The following MMP26 variants were observed in gnomAD, a reference collection of about 807,000 sequenced individuals.
MMP26 encodes matrix metalloproteinase-26.
Under a neutral mutation model 31.0 loss-of-function variants are expected in MMP26, and 33 were observed. The ratio of observed to expected loss-of-function variants is 1.06; its 90% CI spans 0.81 to 1.42. The LOEUF (loss-of-function observed/expected upper bound fraction) is 1.42, where lower values mean the gene tolerates loss of function less well. Among genes scored for constraint, MMP26 ranks in the 40% most tolerant of loss-of-function variants. The pLI is 0.00. For synonymous variants in MMP26, 122 were observed against 114.9 expected, an observed-to-expected ratio of 1.06 and a Z score of -0.40; for missense variants, 347 against 316.1, an observed-to-expected ratio of 1.10 and a Z score of -0.74.
At chr11:4,923,867 A>G (rs1589940597) in intron 2 of MMP26, 1 of 1,613,956 alleles carries the variant, frequency 6.2e-7, no homozygotes, top group Non-Finnish European at 8.5e-7. Flanking sequence ...CAAGGGGAGG[A>G]TGAGGAGAGC....
At chr11:4,803,862 T>C in intron 2 of MMP26, 2 of 1,612,148 alleles carry the variant, frequency 1.2e-6, no homozygotes, top group Non-Finnish European at 1.7e-6. Context: ...TGGCTTGGTG[T>C]TGGCAGAAGG....
chr11:4,923,395 A>G (rs772450139), intron 2 of MMP26: 1 of 1,562,424 alleles, frequency 6.4e-7, no homozygotes, highest in Non-Finnish European at 8.7e-7. Context: ...AAAAACACCT[A>G]AGTGACTTTA....
chr11:4,921,676 C>T (rs1352742900), intron 2 of MMP26, among the ~76,000 whole-genome samples: 5 of 152,180 alleles, frequency 3.3e-5, no homozygotes, highest in African/African-American at 9.7e-5. Context: ...ATTTAAAATA[C>T]TCGAGCCATT....
chr11:4,755,319 C>T (rs532171796), intron 1 of MMP26, among the ~76,000 whole-genome samples: 7 of 151,992 alleles, frequency 4.6e-5, no homozygotes, highest in East Asian at 1.9e-4. Context: ...TTAACTTCTC[C>T]GAACTGAGGA....
At chr11:4,891,024 T>TAAA (rs1554889162) in intron 2 of MMP26, among the ~76,000 whole-genome samples, 4 of 144,716 alleles carry the variant, frequency 2.8e-5, no homozygotes, top group South Asian at 2.2e-4. Flanking sequence ...ATAATAATAA[T>TAAA]AAAAGTAAAA....
At position 4,956,307 on chromosome 11, in the gene MMP26, T is replaced by G. The variant is rs116454006; in HGVS notation, c.-144-31761T>G. On this transcript the variant is annotated intron_variant, in intron 2 of 7. Transcript: ENST00000380390. Reference sequence around the variant, plus strand: ...TATTCACTTTTACCTAACCAGTGGCTCTCGGGTCACAGAGTTCTCTGGGGA... The same window carrying G: ...TATTCACTTTTACCTAACCAGTGGCGCTCGGGTCACAGAGTTCTCTGGGGA... Among the ~76,000 whole-genome samples, 976 of 152,324 alleles carry G rather than the reference T, an allele frequency of 6.4e-3. 12 individuals carry two copies. Among genetic ancestry groups the G allele is most frequent in the African/African-American group, 0.022 (932 of 41,576 alleles).
chr11:4,807,999 T>A (rs1849300971), intron 2 of MMP26, among the ~76,000 whole-genome samples: 1 of 152,044 alleles, frequency 6.6e-6, no homozygotes, highest in Non-Finnish European at 1.5e-5. Context: ...AGAGACAGGG[T>A]CTCACTATGT....
At position 4,900,257 on chromosome 11, in the gene MMP26, G is replaced by A. The variant is rs528074548; in HGVS notation, c.-144-87811G>A. 3.9e-5 allele frequency among the ~76,000 whole-genome samples: 6 copies of A among 152,246 alleles called. No individual in the cohort carries two copies. In the East Asian group the frequency reaches 1.2e-3, roughly 29 times the overall value. On this transcript the variant is annotated intron_variant, in intron 2 of 7. Transcript: ENST00000380390. ...TGCTGGTGGATCAAACCCTTTGTAA[G>A]CCCTGAGATACTAGGTTTGGCTATG...
At chr11:4,973,596 CA>C (rs1846695956) in intron 2 of MMP26, 1 of 155,128 alleles carries the variant, frequency 6.4e-6, no homozygotes, top group African/African-American at 2.4e-5. Flanking sequence ...ATACAGGCAT[CA>C]GGGGAAATTC....
intron 2 of MMP26, among the ~76,000 whole-genome samples, chr11:4,890,948 G>GGACC (rs1404560517): frequency 6.8e-6 from 1 of 147,588 alleles, no homozygotes; most frequent in Non-Finnish European, 1.5e-5. Context: ...ATGGACTATA[G>GGACC]GACCCCCTTC....
At chr11:4,714,725 A>G (rs1847903191) in intron 1 of MMP26, among the ~76,000 whole-genome samples, 1 of 152,136 alleles carries the variant, frequency 6.6e-6, no homozygotes, top group Admixed American at 6.5e-5. Flanking sequence ...CTCTGTAATC[A>G]GAGAAGAGAG....
chr11:4,724,643 A>G (rs887706130), intron 1 of MMP26, among the ~76,000 whole-genome samples: 12 of 152,246 alleles, frequency 7.9e-5, no homozygotes, highest in Non-Finnish European at 1.5e-4. Context: ...TATGGTTCCT[A>G]CACAAAAATC....
intron 2 of MMP26, chr11:4,832,933 A>G: frequency 5.6e-6 from 1 of 177,254 alleles, no homozygotes; most frequent in East Asian, 1.3e-4. Context: ...TTTGCTAAGC[A>G]TAAATCCCCT....
chr11:4,900,792 T>A (rs1282501831), intron 2 of MMP26, among the ~76,000 whole-genome samples: 19 of 152,182 alleles, frequency 1.2e-4, no homozygotes, highest in Non-Finnish European at 2.9e-5. Flanking sequence ...TCCAACAGCC[T>A]GGTCAATTAG....
At chr11:4,712,960 A>G (rs887050421) in intron 1 of MMP26, among the ~76,000 whole-genome samples, 6 of 152,106 alleles carry the variant, frequency 3.9e-5, no homozygotes, top group Admixed American at 3.3e-4. Flanking sequence ...TGTGAGAACT[A>G]ATGCTGAAAA....
intron 2 of MMP26, chr11:4,821,379 A>T: frequency 1.2e-6 from 2 of 1,605,000 alleles, no homozygotes; most frequent in Non-Finnish European, 1.7e-6. Context: ...ATTATGTGTT[A>T]TGTTAAATGA....
At chr11:4,981,664 C>T (rs747090813) in intron 2 of MMP26, among the ~76,000 whole-genome samples, 1 of 151,938 alleles carries the variant, frequency 6.6e-6, no homozygotes, top group African/African-American at 2.4e-5. Flanking sequence ...ATAAATTAAC[C>T]TATCTTCTTA....
chr11:4,857,389 G>T (rs934854286), intron 2 of MMP26, among the ~76,000 whole-genome samples: 1 of 151,540 alleles, frequency 6.6e-6, no homozygotes, highest in Non-Finnish European at 1.5e-5. Context: ...ATGATAAAGG[G>T]GATATCACCA....
In MMP26 at chr11:4,986,722, G is replaced by A. The variant is rs552643507; in HGVS notation, c.-144-1346G>A. On this transcript the variant is annotated intron_variant, in intron 2 of 7. Transcript: ENST00000380390. ...ATTTTTTTGTATTTTTAGTAGAGACGGGGTTTCACTATGTTGGCCGGGCTG... is the reference window on the plus strand; with the variant it reads ...ATTTTTTTGTATTTTTAGTAGAGACAGGGTTTCACTATGTTGGCCGGGCTG... Among the ~76,000 whole-genome samples, 5 of 150,916 alleles carry A rather than the reference G, an allele frequency of 3.3e-5. No homozygotes were observed. In the South Asian group the frequency reaches 6.3e-4, roughly 19 times the overall value.
Sources: gnomAD v4.1 joint callset for allele counts (sites outside exome capture counted in the v4.1 genomes callset) on GRCh38, gnomAD v4.1.1 for gene constraint, MANE v1.5 for transcripts, NCBI Gene and HGNC (gene_info 2026-07-23, HGNC 2026-07-21) for gene names.